The following CTTNBP2 variants were observed in gnomAD, a reference collection of about 807,000 sequenced individuals.
The protein encoded by CTTNBP2 is cortactin binding protein 2, also known as cortactin-binding protein 2.
Under a neutral mutation model 156.9 loss-of-function variants are expected in CTTNBP2, and 108 were observed. That is an observed-to-expected ratio of 0.69 (90% CI 0.59 to 0.81). CTTNBP2 has a LOEUF of 0.81. Among genes scored for constraint, CTTNBP2 ranks in the 30% least tolerant of loss-of-function variants. CTTNBP2 has a pLI of 0.00. For synonymous variants in CTTNBP2, 767 were observed against 751.8 expected (o/e 1.02, Z -0.33); for missense variants, 1,924 against 2,035.4 (o/e 0.95, Z 1.05).
chr7:117,867,972 G>A (rs1804323452), intron 1 of CTTNBP2, among the ~76,000 whole-genome samples: 1 of 152,128 alleles, frequency 6.6e-6, no homozygotes, highest in African/African-American at 2.4e-5. Flanking sequence ...GGAAAGAATG[G>A]CAGAAAAGTG....
In CTTNBP2 at chr7:117,792,067, T is replaced by C; in HGVS notation, c.1129A>G (p.Ser377Gly). 1.2e-6 allele frequency: 2 copies of C among 1,614,132 alleles called. No individual in the cohort carries two copies. Among genetic ancestry groups the C allele is most frequent in the Non-Finnish European group, 1.7e-6 (2 of 1,180,012 alleles). Residue 377 changes from serine to glycine, a missense_variant, in exon 4 of 23, where the codon AGT (serine) becomes GGT (glycine). Ser to Gly is a moderately conservative substitution (Grantham distance 56). Coordinates refer to ENST00000160373, the MANE Select transcript of CTTNBP2 (RefSeq NM_033427.3). This position sits in a 1 kb window ranked among gnomAD's most constrained non-coding sequence, Gnocchi z 4.2. ...CCATTTTCCTCAATTTTGTTTGCAC[T>C]TGGAGGTGGGAAAGCGGGTACAGAA... Reference protein sequence around the residue: ...GASVPAFPPPSANKIEENGPS... With the variant: ...GASVPAFPPPGANKIEENGPS...
chr7:117,759,848 A>C (rs759438714), intron 10 of CTTNBP2, among the ~76,000 whole-genome samples: 1 of 152,254 alleles, frequency 6.6e-6, no homozygotes, highest in Non-Finnish European at 1.5e-5. Context: ...GGAACTAATC[A>C]GGGACACCTA....
chr7:117,741,212 T>C (rs1478577431), intron 14 of CTTNBP2, among the ~76,000 whole-genome samples: 1 of 151,834 alleles, frequency 6.6e-6, no homozygotes, highest in Non-Finnish European at 1.5e-5. Flanking sequence ...GATGGGGGAA[T>C]GGAGAGCAGG....
intron 1 of CTTNBP2, among the ~76,000 whole-genome samples, chr7:117,865,671 C>CAAAAAAAAAAAA (rs61533705): frequency 1.9e-4 from 14 of 74,506 alleles, no homozygotes; most frequent in South Asian, 5.2e-4. Flanking sequence ...ACTCCATCTC[C>CAAAAAAAAAAAA]AAAAAAAAAA....
At chr7:117,738,458 T>A (rs1470609450) in intron 14 of CTTNBP2, among the ~76,000 whole-genome samples, 7 of 152,134 alleles carry the variant, frequency 4.6e-5, no homozygotes, top group African/African-American at 1.7e-4. Context: ...TCCTAGACTC[T>A]TACTGCTATG....
intron 1 of CTTNBP2, among the ~76,000 whole-genome samples, chr7:117,870,939 T>C (rs1804552421): frequency 6.6e-6 from 1 of 152,218 alleles, no homozygotes; most frequent in South Asian, 2.1e-4. Flanking sequence ...GATATTAAAC[T>C]GAAAACTATA....
chr7:117,817,353 AAAAAAAAAAT>A lies in CTTNBP2; in HGVS notation c.190-6374_190-6365del, dbSNP rs1265389165. Among the ~76,000 whole-genome samples, 6 of 36,210 alleles carry A rather than the reference AAAAAAAAAAT, an allele frequency of 1.7e-4. 1 individual carries two copies. Among genetic ancestry groups the A allele is most frequent in the Non-Finnish European group, 3.9e-4 (6 of 15,206 alleles). The allele number at this position is 36,210 out of a possible 152,430, so 23.8% of individuals were successfully genotyped here. A position where few individuals can be genotyped will look rare whatever the true frequency, so the allele number is the denominator to read the frequency against. On this transcript the variant is annotated intron_variant, in intron 2 of 22. Coordinates refer to ENST00000160373, the MANE Select transcript of CTTNBP2 (RefSeq NM_033427.3). ...CATCTCAAAAAAAAAAAAAAAAAAA[AAAAAAAAAAT>A]ATATATATATATATATATATATATA...
At chr7:117,761,121 G>A (rs977347924) in intron 9 of CTTNBP2, among the ~76,000 whole-genome samples, 1 of 152,176 alleles carries the variant, frequency 6.6e-6, no homozygotes, top group African/African-American at 2.4e-5. Flanking sequence ...GCTTAGGATA[G>A]TAACTGAGAA....
At chr7:117,837,154 T>A (rs1474030346) in intron 2 of CTTNBP2, among the ~76,000 whole-genome samples, 2 of 152,226 alleles carry the variant, frequency 1.3e-5, no homozygotes, top group African/African-American at 4.8e-5. Flanking sequence ...ACCTAAAAGC[T>A]AGACTTAGTC....
intron 2 of CTTNBP2, among the ~76,000 whole-genome samples, chr7:117,852,577 T>C (rs1236029060): frequency 6.6e-6 from 1 of 152,182 alleles, no homozygotes; most frequent in Non-Finnish European, 1.5e-5. Context: ...GTATAATTAA[T>C]AAGAAGGACA....
At chr7:117,787,084 A>G (rs1798741949) in intron 4 of CTTNBP2, among the ~76,000 whole-genome samples, 1 of 152,218 alleles carries the variant, frequency 6.6e-6, no homozygotes, top group Non-Finnish European at 1.5e-5. Flanking sequence ...AGCATAGACA[A>G]GCTTATTTTA....
chr7:117,748,382 T>C (rs980761238), intron 12 of CTTNBP2, among the ~76,000 whole-genome samples: 2 of 152,178 alleles, frequency 1.3e-5, no homozygotes, highest in Admixed American at 1.3e-4. Context: ...GATTAGGACA[T>C]TTTTCTCCAA....
chr7:117,842,563 A>G (rs1259383760), intron 2 of CTTNBP2, among the ~76,000 whole-genome samples: 1 of 152,078 alleles, frequency 6.6e-6, no homozygotes, highest in Admixed American at 6.6e-5. Flanking sequence ...AAAGTAAAGT[A>G]CTCCAGGGTC....
intron 2 of CTTNBP2, among the ~76,000 whole-genome samples, chr7:117,859,410 C>T (rs1474544560): frequency 6.6e-6 from 1 of 152,138 alleles, no homozygotes; most frequent in African/African-American, 2.4e-5. Flanking sequence ...CATAAAAACA[C>T]AGACTTCACT....
chr7:117,750,401 A>T (rs1326552950), intron 12 of CTTNBP2, among the ~76,000 whole-genome samples: 1 of 152,228 alleles, frequency 6.6e-6, no homozygotes, highest in East Asian at 1.9e-4. Context: ...TTGCATTTAC[A>T]TAGTCTAATG....
At chr7:117,857,827 G>A (rs1296467012) in intron 2 of CTTNBP2, among the ~76,000 whole-genome samples, 1 of 152,124 alleles carries the variant, frequency 6.6e-6, no homozygotes, top group Non-Finnish European at 1.5e-5. Context: ...CAGTTTCACA[G>A]CCTCTCTCCT....
intron 2 of CTTNBP2, among the ~76,000 whole-genome samples, chr7:117,816,626 C>T (rs1340339456): frequency 6.6e-6 from 1 of 152,202 alleles, no homozygotes; most frequent in African/African-American, 2.4e-5. Context: ...GTCCAAGCCA[C>T]TTGAAATCTC....
At position 117,853,463 on chromosome 7, in the gene CTTNBP2, T is replaced by C. The variant is rs1464505108; in HGVS notation, c.189+7746A>G. Among the ~76,000 whole-genome samples, 6 of 152,124 alleles carry C rather than the reference T, an allele frequency of 3.9e-5. No homozygotes were observed. In the South Asian group the frequency reaches 1.0e-3, roughly 26 times the overall value. On this transcript the variant is annotated intron_variant, in intron 2 of 22. Coordinates refer to ENST00000160373, the MANE Select transcript of CTTNBP2 (RefSeq NM_033427.3). ...CTTGTTTCCTCTTATAATCAAAACA[T>C]AGAATTCCTCATAAAGGTGGCAAAA... is the stretch of plus-strand genomic sequence containing the variant.
chr7:117,873,351 G>A lies in CTTNBP2; in HGVS notation c.65C>T (p.Ala22Val). The change falls in exon 1 of 23, where the codon GCC becomes GTC. Residue 22 changes from alanine to valine, a missense_variant. Coordinates refer to ENST00000160373, the MANE Select transcript of CTTNBP2 (RefSeq NM_033427.3). Reference protein sequence around the residue: ...LSRAPEDAAGAAAEAAKKEFD... With the variant: ...LSRAPEDAAGVAAEAAKKEFD... ...CTCGGTTACCGCCGCCTCCGCCGCG[G>A]CCCCCGCCGCGTCCTCCGGGGCCCG... 3 of 1,455,134 alleles carry A rather than the reference G, an allele frequency of 2.1e-6. No homozygotes were observed. The highest frequency in any genetic ancestry group is 2.7e-6 in the Non-Finnish European group (3 of 1,108,252). The allele number at this position is 1,455,134 out of a possible 1,614,324, so 90.1% of individuals were successfully genotyped here.
Sources: allele counts gnomAD v4.1 joint callset (sites outside exome capture counted in the v4.1 genomes callset), GRCh38; gene constraint gnomAD v4.1.1; non-coding constraint Gnocchi (gnomAD v3.1); transcripts MANE v1.5; gene names NCBI Gene and HGNC (gene_info 2026-07-23, HGNC 2026-07-21).